Variants in LAMA2 observed in about 807,000 individuals in gnomAD.
LAMA2 encodes the protein laminin subunit alpha-2.
In LAMA2, 269 loss-of-function variants were observed where a neutral mutation model predicts 364.8. The observed-to-expected ratio is 0.74, with a 90% CI of 0.67 to 0.82. The LOEUF (loss-of-function observed/expected upper bound fraction) is 0.82, where lower values mean the gene tolerates loss of function less well. Among genes scored for constraint, LAMA2 ranks in the 40% least tolerant of loss-of-function variants. The probability of loss-of-function intolerance (pLI) is 0.00; values close to 1 mark genes in which losing one functional copy is unlikely to be tolerated. For synonymous variants in LAMA2, 1,379 were observed against 1,370.6 expected (o/e 1.01, Z -0.14); for missense variants, 3,807 against 3,873.2 (o/e 0.98, Z 0.45).
At chr6:129,205,148 G>T (rs1376493665) in intron 12 of LAMA2, among the ~76,000 whole-genome samples, 2 of 151,910 alleles carry the variant, frequency 1.3e-5, no homozygotes, top group Admixed American at 1.3e-4. Context: ...CCAGCACTTT[G>T]GGAGGCTGAG....
intron 22 of LAMA2, among the ~76,000 whole-genome samples, chr6:129,308,216 C>A (rs746865204): frequency 6.6e-6 from 1 of 152,096 alleles, no homozygotes. Flanking sequence ...AGAAAGAAAT[C>A]AAAAACTCCT....
At chr6:129,403,756 T>G (rs71568951) in intron 39 of LAMA2, 65 bp from the exon 40 acceptor site, 281 of 1,470,398 alleles carry the variant, frequency 1.9e-4, no homozygotes, top group Non-Finnish European at 2.6e-4. Flanking sequence ...TTCATATAAT[T>G]AGGACGTTCT....
chr6:129,379,327 T>A (rs1470387378), intron 34 of LAMA2, among the ~76,000 whole-genome samples: 1 of 151,902 alleles, frequency 6.6e-6, no homozygotes, highest in African/African-American at 2.4e-5. Context: ...GCATGGGTTT[T>A]TTTTTTTTAA....
intron 9 of LAMA2, among the ~76,000 whole-genome samples, chr6:129,168,525 T>C (rs1473303045): frequency 1.1e-3 from 160 of 151,940 alleles, no homozygotes; most frequent in African/African-American, 3.7e-3. Flanking sequence ...TTGATCTATA[T>C]CTCTGTTTTG....
intron 1 of LAMA2, among the ~76,000 whole-genome samples, chr6:128,899,077 C>T (rs963102375): frequency 1.3e-5 from 2 of 152,094 alleles, no homozygotes; most frequent in African/African-American, 4.8e-5. Context: ...TCTTGAATAC[C>T]CTTGTTTATT....
intron 1 of LAMA2, among the ~76,000 whole-genome samples, chr6:128,922,950 A>T (rs1490448014): frequency 3.3e-5 from 5 of 151,656 alleles, no homozygotes; most frequent in Non-Finnish European, 1.5e-5. Flanking sequence ...TCCCAGCACC[A>T]TTTATTAAAT....
intron 1 of LAMA2, among the ~76,000 whole-genome samples, chr6:128,917,734 C>CTTTCTTTCTTTCT (rs762146179): frequency 2.7e-5 from 3 of 111,762 alleles, no homozygotes; most frequent in African/African-American, 1.1e-4. Flanking sequence ...TTCTTTCTTT[C>CTTTCTTTCTTTCT]TTTTTTTTTT....
chr6:129,399,824 G>T (rs1005913668), intron 37 of LAMA2, among the ~76,000 whole-genome samples: 1 of 151,844 alleles, frequency 6.6e-6, no homozygotes, highest in Non-Finnish European at 1.5e-5. Context: ...ATTAGCACTA[G>T]CTCAGTGCAA....
chr6:128,903,457 C>G (rs1297067212), intron 1 of LAMA2, among the ~76,000 whole-genome samples: 1 of 152,096 alleles, frequency 6.6e-6, no homozygotes, highest in Non-Finnish European at 1.5e-5. Flanking sequence ...TGTTTAAATG[C>G]CATTGCCTGA....
chr6:129,226,383 G>A (rs1784278886), intron 12 of LAMA2, among the ~76,000 whole-genome samples: 1 of 152,142 alleles, frequency 6.6e-6, no homozygotes, highest in African/African-American at 2.4e-5. Context: ...TATGATGTTA[G>A]CTGGTTATTT....
Position 129,315,401 on chromosome 6 carries a change from G to A in LAMA2, c.3556-75G>A, listed in dbSNP as rs1444216999. 19 of 1,293,834 alleles carry A rather than the reference G, an allele frequency of 1.5e-5. No individual in the cohort carries two copies. The Admixed American group carries it at 2.9e-4, about 20-fold the overall frequency. 80.1% of individuals were successfully genotyped at this position (1,293,834 alleles called of 1,614,324 possible). On this transcript the variant is annotated intron_variant, in intron 24 of 64. Coordinates refer to ENST00000421865, the MANE Select transcript of LAMA2 (RefSeq NM_000426.4). ...GGGTATAGGAACTGCAGATAGACAT[G>A]CAGTTCGTAACTTAGTTTTAAAGAA... is the stretch of plus-strand genomic sequence containing the variant.
intron 3 of LAMA2, among the ~76,000 whole-genome samples, chr6:129,088,605 C>T (rs979153221): frequency 7.9e-5 from 12 of 151,726 alleles, no homozygotes; most frequent in East Asian, 3.9e-4. Flanking sequence ...GGGTGGCTGC[C>T]GGGCGGAGAC....
chr6:129,335,349 T>C (rs1775890900), intron 29 of LAMA2, among the ~76,000 whole-genome samples: 1 of 139,472 alleles, frequency 7.2e-6, no homozygotes, highest in South Asian at 2.3e-4. Context: ...ACATAGGTAG[T>C]AAGTAGGTAG....
intron 3 of LAMA2, among the ~76,000 whole-genome samples, chr6:129,060,742 A>G (rs1308624725): frequency 6.6e-6 from 1 of 152,180 alleles, no homozygotes; most frequent in Non-Finnish European, 1.5e-5. Flanking sequence ...TTCCTAATGG[A>G]TGCCATTTGC....
intron 9 of LAMA2, among the ~76,000 whole-genome samples, chr6:129,166,939 A>T (rs553097531): frequency 6.6e-6 from 1 of 152,122 alleles, no homozygotes; most frequent in South Asian, 2.1e-4. Context: ...TACCCTCTCA[A>T]CTTTATATGG....
chr6:129,186,736 C>T (rs140546345), intron 10 of LAMA2, among the ~76,000 whole-genome samples: 169 of 151,748 alleles, frequency 1.1e-3, no homozygotes, highest in African/African-American at 4.0e-3. Context: ...CCTCTTACAG[C>T]AGTGATTTTC....
intron 30 of LAMA2, among the ~76,000 whole-genome samples, chr6:129,347,625 T>A (rs570320906): frequency 1.2e-4 from 19 of 152,152 alleles, no homozygotes; most frequent in Non-Finnish European, 2.4e-4. Context: ...TGAGGGGAGT[T>A]TGGAATTAGC....
In LAMA2 at chr6:129,402,306, C is replaced by T. The variant is rs766109320; in HGVS notation, c.5563-18C>T. ...CTTGAATTCACTTGCTTAAAATGCCCTCTTCTCTACATATCAGTATGTTGA... is the reference window on the plus strand; with the variant it reads ...CTTGAATTCACTTGCTTAAAATGCCTTCTTCTCTACATATCAGTATGTTGA... On this transcript the variant is annotated intron_variant, in intron 38 of 64. Transcript: ENST00000421865. 2.5e-6 allele frequency: 4 copies of T among 1,608,958 alleles called. No homozygotes were observed. In the East Asian group the frequency reaches 8.9e-5, roughly 36 times the overall value.
chr6:129,426,371 G>C (rs1313244538), intron 40 of LAMA2, among the ~76,000 whole-genome samples: 2 of 152,040 alleles, frequency 1.3e-5, no homozygotes, highest in Non-Finnish European at 2.9e-5. Flanking sequence ...AAAATGACGT[G>C]TAAATTTGGA....
Sources: allele counts gnomAD v4.1 joint callset (sites outside exome capture counted in the v4.1 genomes callset), GRCh38; gene constraint gnomAD v4.1.1; transcripts MANE v1.5; gene names NCBI Gene and HGNC (gene_info 2026-07-23, HGNC 2026-07-21).